C15orf40: variants seen among roughly 807,000 people sequenced by gnomAD.
C15orf40 encodes the protein UPF0235 protein C15orf40.
Under a neutral mutation model 13.9 loss-of-function variants are expected in C15orf40, and 9 were observed. The observed-to-expected ratio is 0.65, with a 90% CI of 0.39 to 1.13. The LOEUF (loss-of-function observed/expected upper bound fraction) is 1.13. Among genes scored for constraint, C15orf40 ranks in the 50% most tolerant of loss-of-function variants. C15orf40 has a pLI of 0.01. For synonymous variants in C15orf40, 95 were observed against 69.2 expected, an observed-to-expected ratio of 1.37 and a Z score of -1.85; for missense variants, 225 against 188.5, an observed-to-expected ratio of 1.19 and a Z score of -1.13.
downstream of C15orf40, chr15:82,989,943 G>C: frequency 1.9e-6 from 3 of 1,611,640 alleles, no homozygotes; most frequent in Non-Finnish European, 2.5e-6. Context: ...AGTGACAATC[G>C]ATCCAATCAG....
Position 83,011,534 on chromosome 15 carries a change from C to A in C15orf40, c.74G>T (p.Cys25Phe). 1 of 1,607,420 alleles carries A rather than the reference C, an allele frequency of 6.2e-7. No homozygotes were observed. ...PNTRGSARLL[C>F]AEMPKKAGAT... ...ACCAGCCTTCTTAGGCATCTCGGCG[C>A]AAAGAAGCCGAGCGGAGCCCCGAGT... is the stretch of plus-strand genomic sequence containing the variant. Residue 25 changes from cysteine to phenylalanine, a missense_variant, in exon 1 of 4, where the codon TGC becomes TTC. Cys to Phe is a radical substitution (Grantham distance 205). Transcript: ENST00000304177.
rs536206095 is a variant in C15orf40, at chr15:83,005,526, C to T, written c.*71G>A. On this transcript the variant is annotated 3_prime_UTR_variant, in exon 4 of 4. Coordinates refer to ENST00000304177, the MANE Select transcript of C15orf40 (RefSeq NM_144597.3). ...CTCGAACTCCTGACCTCAGGTGATCCGCCCACCACGGCCTCCCAAAGTGCT... is the reference window on the plus strand; with the variant it reads ...CTCGAACTCCTGACCTCAGGTGATCTGCCCACCACGGCCTCCCAAAGTGCT... 653 of 1,341,460 alleles carry T rather than the reference C, an allele frequency of 4.9e-4. 4 individuals are homozygous for T. In the African/African-American group the frequency reaches 8.8e-3, roughly 18 times the overall value. 83.1% of individuals were successfully genotyped at this position (1,341,460 alleles called of 1,614,324 possible).
chr15:83,001,231 T>C lies in C15orf40; in HGVS notation c.*4366A>G. ...GAAGTCTGAAATCTCTGCTCCTGCCTCCAGGGCATAATGAGCCAGGCTGTT... is the reference window on the plus strand; with the variant it reads ...GAAGTCTGAAATCTCTGCTCCTGCCCCCAGGGCATAATGAGCCAGGCTGTT... On this transcript the variant is annotated 3_prime_UTR_variant, in exon 4 of 4. Transcript: ENST00000304177. 1.0e-6 allele frequency: 1 copy of C among 985,454 alleles called. No individual in the cohort carries two copies. The highest frequency in any genetic ancestry group is 1.2e-6 in the Non-Finnish European group (1 of 829,948). 61.0% of individuals were successfully genotyped at this position (985,454 alleles called of 1,614,324 possible). A position where few individuals can be genotyped will look rare whatever the true frequency, so the allele number is the denominator to read the frequency against.
chr15:83,007,615 G>A (rs552676186), intron 3 of C15orf40, among the ~76,000 whole-genome samples: 2 of 152,354 alleles, frequency 1.3e-5, no homozygotes, highest in South Asian at 4.1e-4. Flanking sequence ...ACATGGCTGG[G>A]CATGGTGGTT....
downstream of C15orf40, chr15:82,991,806 A>G: frequency 4.6e-6 from 5 of 1,083,546 alleles, no homozygotes; most frequent in Non-Finnish European, 6.2e-6. Context: ...TTACATCAGT[A>G]GGCAAGAAGC....
At chr15:83,009,044 T>A (rs542280597) in intron 2 of C15orf40, among the ~76,000 whole-genome samples, 1 of 152,208 alleles carries the variant, frequency 6.6e-6, no homozygotes, top group Non-Finnish European at 1.5e-5. Context: ...ACTGAAGAAG[T>A]GTATGGACAG....
chr15:83,009,645 C>T (rs1682043760), intron 2 of C15orf40, among the ~76,000 whole-genome samples: 1 of 152,134 alleles, frequency 6.6e-6, no homozygotes, highest in Admixed American at 6.5e-5. Flanking sequence ...GTAAACAGAG[C>T]TAGTCAGGAG....
chr15:83,001,404 G>C lies in C15orf40; in HGVS notation c.*4193C>G, dbSNP rs567622558. On this transcript the variant is annotated 3_prime_UTR_variant, in exon 4 of 4. Coordinates refer to ENST00000304177, the MANE Select transcript of C15orf40 (RefSeq NM_144597.3). The stretch of plus-strand genomic sequence containing the variant: ...GTGCGGGTGATAGATGACAGATGCA[G>C]TGCTAGAACATCATATGTCGGCATA... 55 of 569,776 alleles carry C rather than the reference G, an allele frequency of 9.7e-5. 1 individual carries two copies. In the South Asian group the frequency reaches 3.3e-3, roughly 35 times the overall value. The allele number at this position is 569,776 out of a possible 1,614,324, so 35.3% of individuals were successfully genotyped here.
In C15orf40 at chr15:83,005,309, A is replaced by T; in HGVS notation, c.*288T>A. On this transcript the variant is annotated 3_prime_UTR_variant, in exon 4 of 4. Transcript: ENST00000304177. ...TATTTCTTTTTTTTCGGGGGGAGAG[A>T]GTTTCACTCTTGTTGCCCAGGCTGG... 2.0e-6 allele frequency: 2 copies of T among 975,974 alleles called. No individual in the cohort carries two copies. The highest frequency in any genetic ancestry group is 1.8e-5 in the African/African-American group (1 of 56,904). 60.5% of individuals were successfully genotyped at this position (975,974 alleles called of 1,614,324 possible). A position where few individuals can be genotyped will look rare whatever the true frequency, so the allele number is the denominator to read the frequency against.
In C15orf40 at chr15:83,002,673, C is replaced by G. The variant is rs1356464902; in HGVS notation, c.*2924G>C. 1.3e-5 allele frequency: 2 copies of G among 152,164 alleles called. No homozygotes were observed. The highest frequency in any genetic ancestry group is 4.8e-5 in the African/African-American group (2 of 41,430). 9.4% of individuals were successfully genotyped at this position (152,164 alleles called of 1,614,324 possible). On this transcript the variant is annotated 3_prime_UTR_variant, in exon 4 of 4. Coordinates refer to ENST00000304177, the MANE Select transcript of C15orf40 (RefSeq NM_144597.3). Reference sequence around the variant, plus strand: ...AAAATACCAGAGCTCCTAGGAGTGGCCTTTTCTCCTACTGCAGGGGTTGAT... The same window carrying G: ...AAAATACCAGAGCTCCTAGGAGTGGGCTTTTCTCCTACTGCAGGGGTTGAT...
rs561517687 is a variant in C15orf40, at chr15:83,005,603, T to G, written c.456A>C (p.Lys152Asn). 1 of 1,610,186 alleles carries G rather than the reference T, an allele frequency of 6.2e-7. No individual in the cohort carries two copies. The highest frequency in any genetic ancestry group is 1.7e-5 in the Admixed American group (1 of 59,754). Residue 152 changes from lysine (K) to asparagine (N), a missense_variant, in exon 4 of 4, where the codon AAA becomes AAC. Coordinates refer to ENST00000304177, the MANE Select transcript of C15orf40 (RefSeq NM_144597.3). ...CCGGCCTCATTTCTTGCTTTTATGT[T>G]TTTTTGGCTTCCTTTTTTAATTTCT... ...ILEKLKKEAK[K>N]T
intron 3 of C15orf40, 37 bp from the exon 4 acceptor site, chr15:83,005,729 G>C: frequency 6.3e-7 from 1 of 1,596,826 alleles, no homozygotes; most frequent in Non-Finnish European, 8.5e-7. Context: ...TTACTGTTTA[G>C]CACATTCTAA....
intron 2 of C15orf40, 21 bp from the exon 3 acceptor site, chr15:83,008,696 A>C: frequency 6.3e-7 from 1 of 1,581,344 alleles, no homozygotes; most frequent in Non-Finnish European, 8.6e-7. Flanking sequence ...AATAGTGTGG[A>C]CTTTATCCTT....
chr15:83,004,627 A>C lies in C15orf40; in HGVS notation c.*970T>G. ...ATTTAAGTTATTAGAGGAAGATGAA[A>C]ATTCAGTGACTTCTCAAAAATTATA... On this transcript the variant is annotated 3_prime_UTR_variant, in exon 4 of 4. Transcript: ENST00000304177. 2.2e-6 allele frequency: 2 copies of C among 906,210 alleles called. No homozygotes were observed. The highest frequency in any genetic ancestry group is 2.6e-6 in the Non-Finnish European group (2 of 756,438). The allele number at this position is 906,210 out of a possible 1,614,324, so 56.1% of individuals were successfully genotyped here. A position where few individuals can be genotyped will look rare whatever the true frequency, so the allele number is the denominator to read the frequency against.
chr15:82,990,783 CATAAGA>C, downstream of C15orf40: 1 of 740,040 alleles, frequency 1.4e-6, no homozygotes, highest in Middle Eastern at 2.4e-4. Context: ...AAAATTCACA[CATAAGA>C]AAGTTTAACT....
Position 83,000,838 on chromosome 15 carries a change from A to G in C15orf40, c.*4759T>C, listed in dbSNP as rs978221734. 2.6e-5 allele frequency: 4 copies of G among 152,352 alleles called. No homozygotes were observed. The highest frequency in any genetic ancestry group is 9.7e-5 in the African/African-American group (4 of 41,428). The allele number at this position is 152,352 out of a possible 1,614,324, so 9.4% of individuals were successfully genotyped here. A position where few individuals can be genotyped will look rare whatever the true frequency, so the allele number is the denominator to read the frequency against. Reference sequence around the variant, plus strand: ...GGTATTTGGAACTTTATTTTTCAAGATGGAATCTCTGTCGCCCAGGCTGGA... The same window carrying G: ...GGTATTTGGAACTTTATTTTTCAAGGTGGAATCTCTGTCGCCCAGGCTGGA... On this transcript the variant is annotated 3_prime_UTR_variant, in exon 4 of 4. Transcript: ENST00000304177.
Position 83,005,307 on chromosome 15 carries a change from A to T in C15orf40, c.*290T>A, listed in dbSNP as rs1567092548. ...TTTATTTCTTTTTTTTCGGGGGGAG[A>T]GAGTTTCACTCTTGTTGCCCAGGCT... is the stretch of plus-strand genomic sequence containing the variant. On this transcript the variant is annotated 3_prime_UTR_variant, in exon 4 of 4. Transcript: ENST00000304177. 2 of 976,356 alleles carry T rather than the reference A, an allele frequency of 2.0e-6. No individual in the cohort carries two copies. Among genetic ancestry groups the T allele is most frequent in the Non-Finnish European group, 2.5e-6 (2 of 809,756 alleles). 60.5% of individuals were successfully genotyped at this position (976,356 alleles called of 1,614,324 possible).
Position 83,011,572 on chromosome 15 carries a change from C to G in C15orf40, c.36G>C (p.Arg12=), listed in dbSNP as rs1206051639. 6.2e-7 allele frequency: 1 copy of G among 1,603,412 alleles called. No individual in the cohort carries two copies. The highest frequency in any genetic ancestry group is 1.3e-5 in the African/African-American group (1 of 74,668). Residue 12 remains arginine, a synonymous_variant, in exon 1 of 4, where the codon CGG becomes CGC. Coordinates refer to ENST00000304177, the MANE Select transcript of C15orf40 (RefSeq NM_144597.3). ...CGGAGCCCCGAGTATTGGGTGTTGC[C>G]CGAAGGTGCCTCAGCCCGCTGCGGA... The part of the protein sequence containing the change: ...LRLRSGLRHL[R]ATPNTRGSAR...
At chr15:82,989,942 C>T (rs769346792), downstream of C15orf40, 10 of 1,611,536 alleles carry the variant, frequency 6.2e-6, no homozygotes, top group East Asian at 2.2e-5. Context: ...AAGTGACAAT[C>T]GATCCAATCA....
Sources: gnomAD v4.1 joint callset for allele counts (sites outside exome capture counted in the v4.1 genomes callset) on GRCh38, gnomAD v4.1.1 for gene constraint, MANE v1.5 for transcripts, NCBI Gene and HGNC (gene_info 2026-07-23, HGNC 2026-07-21) for gene names.